MAST2: variants seen among roughly 807,000 people sequenced by gnomAD.
MAST2 encodes the protein microtubule associated serine/threonine kinase 2, also known as microtubule-associated serine/threonine-protein kinase 2.
Under a neutral mutation model 147.4 loss-of-function variants are expected in MAST2, and 70 were observed. The observed-to-expected ratio is 0.47, with a 90% CI of 0.39 to 0.58. MAST2 has a LOEUF of 0.58. MAST2 is among the 20% of genes least tolerant of loss of function. The probability of loss-of-function intolerance (pLI) is 0.00; values close to 1 mark genes in which losing one functional copy is unlikely to be tolerated. For synonymous variants in MAST2, 869 were observed against 896.8 expected (o/e 0.97, Z 0.55); for missense variants, 2,080 against 2,302.3 (o/e 0.90, Z 1.98).
chr1:46,025,477 C>G (rs1298918168), intron 15 of MAST2, among the ~76,000 whole-genome samples, 200 bp from the exon 16 acceptor site: 1 of 152,162 alleles, frequency 6.6e-6, no homozygotes, highest in Non-Finnish European at 1.5e-5. Context: ...TCAAGATGAG[C>G]TATGGGTGGG....
intron 3 of MAST2, among the ~76,000 whole-genome samples, chr1:45,842,109 C>T (rs987804741): frequency 6.6e-6 from 1 of 152,052 alleles, no homozygotes; most frequent in Non-Finnish European, 1.5e-5. Context: ...TCTTCTGTGT[C>T]GAACTCCCAG....
chr1:45,856,136 A>G (rs1251744685), intron 3 of MAST2, among the ~76,000 whole-genome samples: 2 of 152,152 alleles, frequency 1.3e-5, no homozygotes, highest in African/African-American at 4.8e-5. Context: ...AGTTCTGAAG[A>G]TACAGGGCTT....
At chr1:45,806,074 C>G (rs571569844) in intron 1 of MAST2, among the ~76,000 whole-genome samples, 47 of 152,302 alleles carry the variant, frequency 3.1e-4, no homozygotes, top group African/African-American at 1.1e-3. Flanking sequence ...AAGGTTCATT[C>G]AGTCCATGAA....
chr1:45,818,993 C>T (rs903103549), intron 1 of MAST2, among the ~76,000 whole-genome samples: 4 of 152,108 alleles, frequency 2.6e-5, no homozygotes, highest in Admixed American at 2.6e-4. Context: ...GTGGCTCATG[C>T]CTGTAATCCC....
intron 3 of MAST2, among the ~76,000 whole-genome samples, chr1:45,849,032 G>T (rs1404307555): frequency 1.3e-5 from 2 of 152,120 alleles, no homozygotes; most frequent in Non-Finnish European, 1.5e-5. Context: ...CCAGGGAGGT[G>T]CAAGATTTCT....
chr1:46,004,237 G>A (rs183540018), intron 7 of MAST2, among the ~76,000 whole-genome samples: 9 of 151,704 alleles, frequency 5.9e-5, no homozygotes, highest in African/African-American at 1.5e-4. Flanking sequence ...GGTGGTGGGC[G>A]CCTGTAGTCC....
chr1:46,027,673 ATC>A, intron 16 of MAST2, 56 bp from the exon 17 acceptor site: 1 of 1,575,556 alleles, frequency 6.3e-7, no homozygotes, highest in Non-Finnish European at 8.6e-7. Context: ...ATATACTAAA[ATC>A]AGTACTCTCA....
chr1:45,868,132 G>A (rs1030819271), intron 3 of MAST2, among the ~76,000 whole-genome samples: 1 of 152,134 alleles, frequency 6.6e-6, no homozygotes, highest in Non-Finnish European at 1.5e-5. Flanking sequence ...ACACTGTTTT[G>A]CTTGAAAAGC....
intron 21 of MAST2, 56 bp downstream of exon 21, chr1:46,030,294 G>T: frequency 6.4e-7 from 1 of 1,551,770 alleles, no homozygotes; most frequent in Non-Finnish European, 8.8e-7. Flanking sequence ...AGAAGAAGAG[G>T]GCCTGTCAAA....
intron 4 of MAST2, among the ~76,000 whole-genome samples, chr1:45,945,740 C>T (rs1163266854): frequency 6.6e-6 from 1 of 152,202 alleles, no homozygotes; most frequent in African/African-American, 2.4e-5. Flanking sequence ...TTTGCATTTC[C>T]TGTCAACCAC....
chr1:46,025,171 T>C (rs1409230729), intron 15 of MAST2, among the ~76,000 whole-genome samples: 1 of 151,876 alleles, frequency 6.6e-6, no homozygotes, highest in African/African-American at 2.4e-5. Context: ...ATGCAAAAAT[T>C]AGCTGGGTGT....
chr1:45,819,026 G>T (rs1644539222), intron 1 of MAST2, among the ~76,000 whole-genome samples: 1 of 152,096 alleles, frequency 6.6e-6, no homozygotes, highest in African/African-American at 2.4e-5. Flanking sequence ...GGCTGAGGTG[G>T]GTGGATCACC....
At chr1:45,927,881 G>C (rs925791313) in intron 4 of MAST2, among the ~76,000 whole-genome samples, 4 of 152,144 alleles carry the variant, frequency 2.6e-5, no homozygotes, top group Admixed American at 6.6e-5. Flanking sequence ...AATTACAAAA[G>C]TATTAATTTG....
rs1291686906 is a variant in MAST2 at position 46,025,756 on chromosome 1, G to C, written c.1860G>C (p.Val620=). The change falls in exon 16 of 29, where the codon GTG becomes GTC. Residue 620 remains valine (V), a synonymous_variant. Coordinates refer to ENST00000361297, the MANE Select transcript of MAST2 (RefSeq NM_015112.3). ...TGCGTCTATACTTTGCGGAAACTGT[G>C]CTGGCCCTGGAGTACTTACACAACT... The part of the protein sequence containing the change: ...DMVRLYFAET[V]LALEYLHNYG... 16 of 1,614,208 alleles carry C rather than the reference G, an allele frequency of 9.9e-6. No homozygotes were observed. Among genetic ancestry groups the C allele is most frequent in the Non-Finnish European group, 1.4e-5 (16 of 1,180,042 alleles).
chr1:46,021,930 A>C lies in MAST2; in HGVS notation c.1291-20A>C, dbSNP rs529016064. 13 of 1,613,492 alleles carry C rather than the reference A, an allele frequency of 8.1e-6. No individual in the cohort carries two copies. The highest frequency in any genetic ancestry group is 4.4e-5 in the South Asian group (4 of 91,032). ...TCGCTTATATCTGTCACCACTGACTATCTCTCTCCCTTGGTACAGGAGTTT... is the reference window on the plus strand; with the variant it reads ...TCGCTTATATCTGTCACCACTGACTCTCTCTCTCCCTTGGTACAGGAGTTT... On this transcript the variant is annotated intron_variant, in intron 11 of 28. Coordinates refer to ENST00000361297, the MANE Select transcript of MAST2 (RefSeq NM_015112.3).
Position 46,031,892 on chromosome 1 carries a change from A to C in MAST2, c.3188-286A>C, listed in dbSNP as rs1646684472. ...TAAGCCTCAAGTTTCTTATCCAAAAATGTGGATATAATAGAGGCCAGCTGA... is the reference window on the plus strand; with the variant it reads ...TAAGCCTCAAGTTTCTTATCCAAAACTGTGGATATAATAGAGGCCAGCTGA... On this transcript the variant is annotated intron_variant, in intron 24 of 28. Coordinates refer to ENST00000361297, the MANE Select transcript of MAST2 (RefSeq NM_015112.3). This position sits in a 1 kb window ranked among gnomAD's most constrained non-coding sequence, Gnocchi z 4.1. Among the ~76,000 whole-genome samples the C allele has an allele frequency of 6.6e-6, 1 of 152,212 alleles. No individual in the cohort carries two copies. The highest frequency in any genetic ancestry group is 2.1e-4 in the South Asian group (1 of 4,828).
chr1:45,983,425 G>A (rs931030332), intron 5 of MAST2, among the ~76,000 whole-genome samples: 1 of 151,448 alleles, frequency 6.6e-6, no homozygotes, highest in Non-Finnish European at 1.5e-5. Flanking sequence ...TTGGCTTATC[G>A]AAGATACCCC....
At chr1:45,876,426 G>A (rs1206225348) in intron 3 of MAST2, among the ~76,000 whole-genome samples, 1 of 152,150 alleles carries the variant, frequency 6.6e-6, no homozygotes, top group Admixed American at 6.5e-5. Flanking sequence ...TAATCAGGAA[G>A]ATCATTAAGA....
At chr1:46,005,637 T>G (rs1645454661) in intron 7 of MAST2, among the ~76,000 whole-genome samples, 2 of 152,152 alleles carry the variant, frequency 1.3e-5, no homozygotes, top group African/African-American at 2.4e-5. Flanking sequence ...TGTTTTCAGG[T>G]CAAGCCTAAT....
Sources: allele counts gnomAD v4.1 joint callset (sites outside exome capture counted in the v4.1 genomes callset), GRCh38; gene constraint gnomAD v4.1.1; non-coding constraint Gnocchi (gnomAD v3.1); transcripts MANE v1.5; gene names NCBI Gene and HGNC (gene_info 2026-07-23, HGNC 2026-07-21).